Variants in FBXO41 observed in about 807,000 individuals in gnomAD.
FBXO41 encodes the protein F-box only protein 41.
In FBXO41, 33 loss-of-function variants were observed where a neutral mutation model predicts 81.6. The ratio of observed to expected loss-of-function variants is 0.40; its 90% confidence interval spans 0.31 to 0.54. The LOEUF (loss-of-function observed/expected upper bound fraction) is 0.54, where lower values mean the gene tolerates loss of function less well. FBXO41 is among the 20% of genes least tolerant of loss of function. The probability of loss-of-function intolerance (pLI) is 0.39; values close to 1 mark genes in which losing one functional copy is unlikely to be tolerated. For synonymous variants in FBXO41, 576 were observed against 552.7 expected, an observed-to-expected ratio of 1.04 and a Z score of -0.59; for missense variants, 1,107 against 1,236.0, an observed-to-expected ratio of 0.90 and a Z score of 1.56.
rs1688147413 is a variant in FBXO41, at chr2:73,264,413, G to T, written c.1671C>A (p.Leu557=). ...TGTCCAGGTAGGTGAAGATGCAGAA[G>T]AGGGCAGCTCGCATCTTCAGGATCT... The part of the protein sequence containing the change: ...SPEILKMRAA[L]FCIFTYLDTR... The change falls in exon 6 of 13, where the codon CTC becomes CTA. Residue 557 remains leucine, a synonymous_variant. Transcript: ENST00000520530. 1 of 1,613,958 alleles carries T rather than the reference G, an allele frequency of 6.2e-7. No homozygotes were observed. Among genetic ancestry groups the T allele is most frequent in the Non-Finnish European group, 8.5e-7 (1 of 1,179,904 alleles).
In FBXO41 at chr2:73,266,751, C is replaced by G. The variant is rs1231827756; in HGVS notation, c.906-69G>C. The G allele has an allele frequency of 1.1e-5, 16 of 1,469,666 alleles. No homozygotes were observed. The highest frequency in any genetic ancestry group is 1.3e-5 in the Non-Finnish European group (14 of 1,114,972). The allele number at this position is 1,469,666 out of a possible 1,614,324, so 91.0% of individuals were successfully genotyped here. ...GCCCACCCACCCTCTGGAGGAGAGC[C>G]TGGCCAGTGCGGGGAGACACTGGCA... is the stretch of plus-strand genomic sequence containing the variant. On this transcript the variant is annotated intron_variant, in intron 2 of 12. Coordinates refer to ENST00000520530, the MANE Select transcript of FBXO41 (RefSeq NM_001371389.2). This position sits in a 1 kb window ranked among gnomAD's most constrained non-coding sequence, Gnocchi z 5.3.
At position 73,284,328 on chromosome 2, in the gene FBXO41, G is replaced by C. The variant is rs1226451198; in HGVS notation, c.-307C>G. 2.6e-5 allele frequency: 4 copies of C among 152,076 alleles called. No individual in the cohort carries two copies. Among genetic ancestry groups the C allele is most frequent in the African/African-American group, 9.7e-5 (4 of 41,420 alleles). The allele number at this position is 152,076 out of a possible 1,614,324, so 9.4% of individuals were successfully genotyped here. A position where few individuals can be genotyped will look rare whatever the true frequency, so the allele number is the denominator to read the frequency against. On this transcript the variant is annotated 5_prime_UTR_variant, in exon 1 of 13. Transcript: ENST00000520530. The surrounding 1 kb of genome is among the most constrained non-coding windows in gnomAD (Gnocchi z 7.4). ...AGCGCCCCCGCCTCCCTCTCGGGGC[G>C]GGGGCGGCCGAACCTCCCAGCCAGT...
At chr2:73,278,101 TA>T (rs1230716579) in intron 1 of FBXO41, among the ~76,000 whole-genome samples, 2 of 152,186 alleles carry the variant, frequency 1.3e-5, no homozygotes, top group Non-Finnish European at 2.9e-5. Flanking sequence ...AAAGATAAAG[TA>T]GTCCTCTTGT....
At position 73,268,891 on chromosome 2, in the gene FBXO41, T is replaced by C; in HGVS notation, c.740A>G (p.Glu247Gly). 1 of 1,553,646 alleles carries C rather than the reference T, an allele frequency of 6.4e-7. No individual in the cohort carries two copies. The highest frequency in any genetic ancestry group is 8.7e-7 in the Non-Finnish European group (1 of 1,151,928). The change falls in exon 2 of 13, where the codon GAA (glutamate) becomes GGA (glycine). Residue 247 changes from glutamate (E) to glycine (G), a missense_variant. Glu to Gly is a moderately conservative substitution (Grantham distance 98). Coordinates refer to ENST00000520530, the MANE Select transcript of FBXO41 (RefSeq NM_001371389.2). ...ACTCTCCTGCCGCGCAGTCTCCAGT[T>C]CGGCCGCCTTGCGCTCCAGCTCGGC... Reference protein sequence around the residue: ...LQAELERKAAELETARQESAR... With the variant: ...LQAELERKAAGLETARQESAR...
rs1333434896 is a variant in FBXO41 at position 73,260,798 on chromosome 2, G to A, written c.2232C>T (p.His744=). 6.4e-7 allele frequency: 1 copy of A among 1,568,422 alleles called. No individual in the cohort carries two copies. The highest frequency in any genetic ancestry group is 8.7e-7 in the Non-Finnish European group (1 of 1,155,394). ...CACCCCCGACCCCCAGGGCCCGCAG[G>A]TGGGGCCAACAGCGACCAATCATCT... is the stretch of plus-strand genomic sequence containing the variant. ...CLQMIGRCWP[H]LRALGVGGAG... The change falls in exon 10 of 13, where the codon CAC becomes CAT. Residue 744 remains histidine (H), a synonymous_variant. Transcript: ENST00000520530. The surrounding 1 kb of genome is among the most constrained non-coding windows in gnomAD (Gnocchi z 5.0).
Position 73,258,484 on chromosome 2 carries a change from G to A in FBXO41, c.*498C>T, listed in dbSNP as rs1687896073. 6.5e-6 allele frequency: 1 copy of A among 153,604 alleles called. No homozygotes were observed. The highest frequency in any genetic ancestry group is 1.4e-5 in the Non-Finnish European group (1 of 69,124). The allele number at this position is 153,604 out of a possible 1,614,324, so 9.5% of individuals were successfully genotyped here. A position where few individuals can be genotyped will look rare whatever the true frequency, so the allele number is the denominator to read the frequency against. On this transcript the variant is annotated 3_prime_UTR_variant, in exon 13 of 13. Transcript: ENST00000520530. The stretch of plus-strand genomic sequence containing the variant: ...TGTGGATCCACAGCCTGGGCAGGCT[G>A]TCTGAAGGGGTGCCCCCAGAAGGCT...
intron 1 of FBXO41, among the ~76,000 whole-genome samples, chr2:73,279,175 G>A (rs1325900013): frequency 2.0e-5 from 3 of 152,180 alleles, no homozygotes; most frequent in African/African-American, 4.8e-5. Context: ...AAGAAAGGGA[G>A]GACTCAAGGA....
chr2:73,282,490 C>A (rs1688875610), intron 1 of FBXO41, among the ~76,000 whole-genome samples: 1 of 152,078 alleles, frequency 6.6e-6, no homozygotes, highest in African/African-American at 2.4e-5. Context: ...AGGACTTGAG[C>A]CCAGGAGTTT....
In FBXO41 at chr2:73,260,563, AGGG is replaced by A. The variant is rs1186455986; in HGVS notation, c.2291-19_2291-17del. Reference sequence around the variant, plus strand: ...CAGTTTCTCGCTAGGAAGAGGAAGAAGGGGGATCCTGCTGACACACTCCCCAGG... The same window carrying A: ...CAGTTTCTCGCTAGGAAGAGGAAGAAGGATCCTGCTGACACACTCCCCAGG... On this transcript the variant is annotated splice_polypyrimidine_tract_variant and intron_variant, in intron 10 of 12. Coordinates refer to ENST00000520530, the MANE Select transcript of FBXO41 (RefSeq NM_001371389.2). The surrounding 1 kb of genome is among the most constrained non-coding windows in gnomAD (Gnocchi z 5.0). 3 of 1,577,094 alleles carry A rather than the reference AGGG, an allele frequency of 1.9e-6. No individual in the cohort carries two copies. The highest frequency in any genetic ancestry group is 1.4e-5 in the African/African-American group (1 of 73,924).
At chr2:73,272,885 C>T (rs1375033133) in intron 1 of FBXO41, 3 of 152,266 alleles carry the variant, frequency 2.0e-5, no homozygotes, top group Non-Finnish European at 4.4e-5. Flanking sequence ...AAAGCCCCCA[C>T]AAACCAAAGG....
rs1688370377 is a variant in FBXO41 at position 73,268,749 on chromosome 2, T to G, written c.882A>C (p.Glu294Asp). The G allele has an allele frequency of 6.4e-7, 1 of 1,561,884 alleles. No homozygotes were observed. The highest frequency in any genetic ancestry group is 8.7e-7 in the Non-Finnish European group (1 of 1,151,258). ...ASLKQDLVHKEQELSRKQQEV... is the reference protein window; with the variant it reads ...ASLKQDLVHKDQELSRKQQEV... The stretch of plus-strand genomic sequence containing the variant: ...ACTGCTGCTTGCGGCTCAGCTCCTG[T>G]TCCTTGTGCACCAGGTCCTGCTTGA... Residue 294 changes from glutamate to aspartate, a missense_variant, in exon 2 of 13, where the codon GAA (glutamate) becomes GAC (aspartate). Physicochemically the swap from Glu to Asp is conservative, Grantham distance 45. Transcript: ENST00000520530.
At chr2:73,265,075 C>T (rs1366050585) in intron 5 of FBXO41, among the ~76,000 whole-genome samples, 3 of 152,202 alleles carry the variant, frequency 2.0e-5, no homozygotes, top group Non-Finnish European at 2.9e-5. Context: ...CCCCCTGCCC[C>T]CCAGATGTGG....
In FBXO41 at chr2:73,260,467, G is replaced by C. The variant is rs1424317743; in HGVS notation, c.2371C>G (p.Arg791Gly). ...ITQEVAAEVCREGLKGLEMLV... is the reference protein window; with the variant it reads ...ITQEVAAEVCGEGLKGLEMLV... ...ATCTCCAGTCCCTTCAGGCCTTCCC[G>C]GCAGACCTCTGCTGCCACCTCCTGG... is the stretch of plus-strand genomic sequence containing the variant. The change falls in exon 11 of 13, where the codon CGG becomes GGG. Residue 791 changes from arginine to glycine, a missense_variant. Physicochemically the swap from Arg to Gly is moderately radical, Grantham distance 125. Around this residue, in one of 2 missense-constraint regions of FBXO41, gnomAD observed 336 missense variants for 446.7 expected, o/e 0.75. Transcript: ENST00000520530. The surrounding 1 kb of genome is among the most constrained non-coding windows in gnomAD (Gnocchi z 5.0). 1 of 1,606,520 alleles carries C rather than the reference G, an allele frequency of 6.2e-7. No individual in the cohort carries two copies. The highest frequency in any genetic ancestry group is 1.7e-5 in the Admixed American group (1 of 59,130).
intron 6 of FBXO41, 44 bp downstream of exon 6, chr2:73,264,234 G>T: frequency 6.2e-7 from 1 of 1,610,922 alleles, no homozygotes; most frequent in Non-Finnish European, 8.5e-7. Context: ...CAGGGGGAAA[G>T]GTGGGTTCAC....
chr2:73,279,373 A>G (rs1197404822), intron 1 of FBXO41, among the ~76,000 whole-genome samples: 1 of 152,214 alleles, frequency 6.6e-6, no homozygotes, highest in Admixed American at 6.5e-5. Flanking sequence ...CCAAAAATAC[A>G]GTTTTGGCAA....
rs1314578527 is a variant in FBXO41, at chr2:73,269,466, C to A, written c.165G>T (p.Ala55=). The A allele has an allele frequency of 7.2e-6, 9 of 1,254,424 alleles. No individual in the cohort carries two copies. In the South Asian group the frequency reaches 9.6e-5, roughly 13 times the overall value. 77.7% of individuals were successfully genotyped at this position (1,254,424 alleles called of 1,614,324 possible). ...NSICDGAAAA[A]AAAAAASGFP... is the part of the protein sequence containing the mutation. ...ACCCCGAGGCAGCGGCGGCGGCGGC[C>A]GCGGCGGCGGCGGCGCCGTCGCAGA... The change falls in exon 2 of 13, where the codon GCG becomes GCT. Residue 55 remains alanine, a synonymous_variant. Transcript: ENST00000520530. This position sits in a 1 kb window ranked among gnomAD's most constrained non-coding sequence, Gnocchi z 7.0.
At chr2:73,268,499 C>A (rs779011157) in intron 2 of FBXO41, among the ~76,000 whole-genome samples, 1 of 152,088 alleles carries the variant, frequency 6.6e-6, no homozygotes, top group Admixed American at 6.6e-5. Context: ...GGACAGAGAA[C>A]GAGAAAGGCA....
intron 1 of FBXO41, chr2:73,272,228 T>C (rs1688527886): frequency 1.3e-5 from 2 of 152,200 alleles, no homozygotes; most frequent in Admixed American, 6.5e-5. Context: ...AATGTCAGGA[T>C]GTTGGGAGTG....
chr2:73,275,818 G>A (rs944153716), intron 1 of FBXO41, among the ~76,000 whole-genome samples: 1 of 151,828 alleles, frequency 6.6e-6, no homozygotes, highest in Non-Finnish European at 1.5e-5. Flanking sequence ...ACAGAGTTTC[G>A]CTGTGTCTCT....
Sources: gnomAD v4.1 joint callset for allele counts (sites outside exome capture counted in the v4.1 genomes callset) on GRCh38, gnomAD v4.1.1 for gene constraint, gnomAD v4.1.1 regional missense constraint, Gnocchi (gnomAD v3.1) non-coding constraint, MANE v1.5 for transcripts, NCBI Gene and HGNC (gene_info 2026-07-23, HGNC 2026-07-21) for gene names.